CAPN8: variants seen among roughly 807,000 people sequenced by gnomAD.
CAPN8 encodes the protein calpain 8.
In CAPN8, 87 loss-of-function variants were observed where a neutral mutation model predicts 80.9. The ratio of observed to expected loss-of-function variants is 1.07; its 90% CI spans 0.90 to 1.28. The LOEUF is 1.28. CAPN8 is among the 50% of genes most tolerant of loss of function. The pLI is 0.00. For missense variants in CAPN8, 757 were observed against 702.0 expected (o/e 1.08, Z -0.89); for synonymous variants, 299 against 273.8 (o/e 1.09, Z -0.91).
rs559192642 is a variant in CAPN8, at chr1:223,614,417, A to G, written c.1311+1553T>C. Among the ~76,000 whole-genome samples the G allele has an allele frequency of 7.3e-5, 11 of 150,746 alleles. No homozygotes were observed. In the South Asian group the frequency reaches 2.3e-3, roughly 32 times the overall value. Reference sequence around the variant, plus strand: ...TCCGTCTCAAAAAAAAAAAAAAGGTAGGCCTGATGGATGAAGAACTGAGTA... The same window carrying G: ...TCCGTCTCAAAAAAAAAAAAAAGGTGGGCCTGATGGATGAAGAACTGAGTA... On this transcript the variant is annotated intron_variant, in intron 10 of 20. Transcript: ENST00000366872.
intron 2 of CAPN8, chr1:223,644,106 T>C (rs1658119594): frequency 3.3e-6 from 1 of 304,694 alleles, no homozygotes; most frequent in Non-Finnish European, 6.5e-6. Flanking sequence ...TCATTGATCA[T>C]TTCTAGTTGG....
At chr1:223,543,963 C>G (rs1258466570) in intron 19 of CAPN8, 104 bp downstream of exon 19, 2 of 644,450 alleles carry the variant, frequency 3.1e-6, no homozygotes, top group African/African-American at 3.6e-5. Flanking sequence ...TTCTGGGTCC[C>G]TGGCCTCCTA....
intron 2 of CAPN8, among the ~76,000 whole-genome samples, chr1:223,646,144 C>A (rs1277739408): frequency 1.3e-5 from 2 of 152,194 alleles, no homozygotes; most frequent in Non-Finnish European, 2.9e-5. Flanking sequence ...GACACAGCAA[C>A]CACAGGGCCA....
chr1:223,611,290 C>A (rs947699707), intron 11 of CAPN8, among the ~76,000 whole-genome samples: 4 of 152,232 alleles, frequency 2.6e-5, no homozygotes, highest in Non-Finnish European at 5.9e-5. Context: ...GGTGAAAGCA[C>A]CTCTCCATGA....
rs1658090050 is a variant in CAPN8 at position 223,643,198 on chromosome 1, G to A, written c.307+11132C>T. 2.6e-5 allele frequency among the ~76,000 whole-genome samples: 4 copies of A among 152,220 alleles called. No homozygotes were observed. The South Asian group carries it at 8.3e-4, about 32-fold the overall frequency. Reference sequence around the variant, plus strand: ...GCTCCAGCCATGGCTGAAATACACGGGATGAGATACAAAAATGGCACATCA... The same window carrying A: ...GCTCCAGCCATGGCTGAAATACACGAGATGAGATACAAAAATGGCACATCA... On this transcript the variant is annotated intron_variant, in intron 2 of 20. Coordinates refer to ENST00000366872, the MANE Select transcript of CAPN8 (RefSeq NM_001143962.2).
At chr1:223,614,215 A>T (rs1657107628) in intron 10 of CAPN8, among the ~76,000 whole-genome samples, 1 of 152,162 alleles carries the variant, frequency 6.6e-6, no homozygotes, top group African/African-American at 2.4e-5. Flanking sequence ...CCTGGCCAAA[A>T]TGGGTGAAAC....
At chr1:223,651,544 A>G (rs1207138827) in intron 2 of CAPN8, among the ~76,000 whole-genome samples, 1 of 152,222 alleles carries the variant, frequency 6.6e-6, no homozygotes, top group African/African-American at 2.4e-5. Context: ...CTTAGCAAGG[A>G]CAGTAGGGAG....
chr1:223,631,798 G>T (rs568244655), intron 2 of CAPN8, among the ~76,000 whole-genome samples: 4 of 152,162 alleles, frequency 2.6e-5, no homozygotes, highest in Non-Finnish European at 5.9e-5. Flanking sequence ...ACAAGGTAGG[G>T]CAAGCACAGA....
At chr1:223,634,869 C>T (rs1441583888) in intron 2 of CAPN8, among the ~76,000 whole-genome samples, 1 of 152,216 alleles carries the variant, frequency 6.6e-6, no homozygotes, top group Non-Finnish European at 1.5e-5. Flanking sequence ...CAGATACAAA[C>T]ATTCAGTGTA....
At chr1:223,553,429 T>G (rs1345541155) in intron 14 of CAPN8, among the ~76,000 whole-genome samples, 4 of 152,180 alleles carry the variant, frequency 2.6e-5, no homozygotes, top group African/African-American at 9.7e-5. Flanking sequence ...CCAAGCCAGG[T>G]TAGCTGAGCT....
intron 9 of CAPN8, chr1:223,618,350 C>G (rs1354739921): frequency 6.5e-7 from 1 of 1,546,190 alleles, no homozygotes; most frequent in Non-Finnish European, 8.7e-7. Context: ...AGGTGAGGAC[C>G]CAGGGTTAGT....
At chr1:223,640,650 A>G (rs762527249) in intron 2 of CAPN8, among the ~76,000 whole-genome samples, 1 of 152,050 alleles carries the variant, frequency 6.6e-6, no homozygotes, top group Non-Finnish European at 1.5e-5. Context: ...CTCAAATCCC[A>G]TCCTCCTCCC....
At chr1:223,629,733 A>T (rs34022480) in intron 2 of CAPN8, among the ~76,000 whole-genome samples, 111,109 of 152,138 alleles carry the variant, frequency 0.73, 40,995 homozygotes, top group African/African-American at 0.83. Context: ...AGCGTGCTTT[A>T]CATCATGTGA....
At chr1:223,642,260 G>C (rs1658063428) in intron 2 of CAPN8, among the ~76,000 whole-genome samples, 1 of 151,832 alleles carries the variant, frequency 6.6e-6, no homozygotes, top group Non-Finnish European at 1.5e-5. Flanking sequence ...CTGAAACAAA[G>C]AGTTTCGAAG....
intron 1 of CAPN8, among the ~76,000 whole-genome samples, chr1:223,657,392 ATGT>A (rs145616749): frequency 0.063 from 9,615 of 152,214 alleles, 334 homozygotes; most frequent in Non-Finnish European, 0.071. Flanking sequence ...AAGAAGGAAA[ATGT>A]TGTGTCGTCA....
intron 2 of CAPN8, among the ~76,000 whole-genome samples, chr1:223,640,668 G>A (rs1170182855): frequency 6.6e-6 from 1 of 151,982 alleles, no homozygotes; most frequent in East Asian, 1.9e-4. Context: ...CCCTAACATT[G>A]CTGCCATCGC....
At chr1:223,638,943 A>G (rs1657977894) in intron 2 of CAPN8, among the ~76,000 whole-genome samples, 1 of 152,254 alleles carries the variant, frequency 6.6e-6, no homozygotes, top group African/African-American at 2.4e-5. Context: ...ATGTAGAATT[A>G]AAGTAGGTTA....
At chr1:223,552,925 T>A (rs1656828994) in intron 14 of CAPN8, among the ~76,000 whole-genome samples, 1 of 152,232 alleles carries the variant, frequency 6.6e-6, no homozygotes, top group Non-Finnish European at 1.5e-5. Flanking sequence ...TACTGGCCTG[T>A]AAATCCATCT....
chr1:223,550,545 T>C (rs1248189429), intron 15 of CAPN8, among the ~76,000 whole-genome samples: 1 of 152,134 alleles, frequency 6.6e-6, no homozygotes, highest in Non-Finnish European at 1.5e-5. Context: ...AATCATCCCT[T>C]CCTTCCTCCT....
Sources: allele counts gnomAD v4.1 joint callset (sites outside exome capture counted in the v4.1 genomes callset), GRCh38; gene constraint gnomAD v4.1.1; transcripts MANE v1.5; gene names NCBI Gene and HGNC (gene_info 2026-07-23, HGNC 2026-07-21).